CHCHD10: variants seen among roughly 807,000 people sequenced by gnomAD.
The protein encoded by CHCHD10 is coiled-coil-helix-coiled-coil-helix domain-containing protein 10, mitochondrial.
A neutral mutation model predicts 14.8 loss-of-function variants in CHCHD10; 10 were observed. The observed-to-expected ratio is 0.67, with a 90% CI of 0.42 to 1.14. The LOEUF (loss-of-function observed/expected upper bound fraction) is 1.14, where lower values mean the gene tolerates loss of function less well. CHCHD10 is among the 50% of genes most tolerant of loss of function. The pLI is 0.00. For synonymous variants in CHCHD10, 90 were observed against 85.2 expected (o/e 1.06, Z -0.31); for missense variants, 203 against 196.9 (o/e 1.03, Z -0.19).
At chr22:23,766,378 G>A in intron 2 of CHCHD10, 103 bp from the exon 3 acceptor site, 1 of 1,054,522 alleles carries the variant, frequency 9.5e-7, no homozygotes, top group Non-Finnish European at 1.4e-6. Context: ...CCCCAGCCTG[G>A]GTGTCCCAAG....
In CHCHD10 at chr22:23,767,903, T is replaced by C; in HGVS notation, c.-29A>G. 6.8e-7 allele frequency: 1 copy of C among 1,481,406 alleles called. No individual in the cohort carries two copies. Among genetic ancestry groups the C allele is most frequent in the Non-Finnish European group, 9.0e-7 (1 of 1,113,758 alleles). 91.8% of individuals were successfully genotyped at this position (1,481,406 alleles called of 1,614,324 possible). ...GGCGGCGGTGGGACCCGGGCGACCT[T>C]AGAGACGGCGGCAGCGGTGCTGTCG... On this transcript the variant is annotated 5_prime_UTR_variant, in exon 1 of 4. Transcript: ENST00000484558.
At chr22:23,766,438 A>C in intron 2 of CHCHD10, 163 bp from the exon 3 acceptor site, 1 of 572,110 alleles carries the variant, frequency 1.7e-6, no homozygotes, top group Non-Finnish European at 3.0e-6. Flanking sequence ...TACAGACAGC[A>C]TGTTTCTGCT....
At position 23,767,568 on chromosome 22, in the gene CHCHD10, G is replaced by T. The variant is rs950020917; in HGVS notation, c.67C>A (p.Pro23Thr). Residue 23 changes from proline to threonine, a missense_variant, in exon 2 of 4, where the codon CCG becomes ACG. Coordinates refer to ENST00000484558, the MANE Select transcript of CHCHD10 (RefSeq NM_213720.3). ...GCCGAGGGCGGTGGGTGCGCGGGCGGGTGGGCAGAGGGCGCGGCTGGGCGG... is the reference window on the plus strand; with the variant it reads ...GCCGAGGGCGGTGGGTGCGCGGGCGTGTGGGCAGAGGGCGCGGCTGGGCGG... Reference protein sequence around the residue: ...ASRPAAPSAHPPAHPPPSAAA... With the variant: ...ASRPAAPSAHTPAHPPPSAAA... 3.0e-6 allele frequency: 4 copies of T among 1,346,396 alleles called. No individual in the cohort carries two copies. Among genetic ancestry groups the T allele is most frequent in the Admixed American group, 7.6e-5 (2 of 26,256 alleles). The allele number at this position is 1,346,396 out of a possible 1,614,324, so 83.4% of individuals were successfully genotyped here.
intron 2 of CHCHD10, 96 bp from the exon 3 acceptor site, chr22:23,766,371 C>G: frequency 3.5e-6 from 4 of 1,157,074 alleles, no homozygotes; most frequent in Non-Finnish European, 4.8e-6. Flanking sequence ...CCCACATCCC[C>G]AGCCTGGGTG....
At chr22:23,766,101 C>T (rs140182) in intron 3 of CHCHD10, 27 bp downstream of exon 3, 22 of 1,613,072 alleles carry the variant, frequency 1.4e-5, no homozygotes, top group Middle Eastern at 1.6e-4. Flanking sequence ...TCCCCCTCCC[C>T]GCCTGAGTCG....
chr22:23,766,219 G>T lies in CHCHD10; in HGVS notation c.318C>A (p.Ile106=). Residue 106 remains isoleucine (I), a synonymous_variant, in exon 3 of 4, where the codon ATC becomes ATA. Coordinates refer to ENST00000484558, the MANE Select transcript of CHCHD10 (RefSeq NM_213720.3). ...PLQMGPCAYE[I]RQFLDCSTTQ... ...TGGTGGAACAGTCCAGGAACTGCCT[G>T]ATCTCGTAGGCGCAGGGCCCCATCT... is the stretch of plus-strand genomic sequence containing the variant. The T allele has an allele frequency of 6.6e-7, 1 of 1,517,746 alleles. No homozygotes were observed. The highest frequency in any genetic ancestry group is 2.5e-5 in the East Asian group (1 of 39,358). 94.0% of individuals were successfully genotyped at this position (1,517,746 alleles called of 1,614,324 possible).
In CHCHD10 at chr22:23,767,465, A is replaced by T; in HGVS notation, c.170T>A (p.Val57Glu). 5.6e-6 allele frequency: 9 copies of T among 1,595,912 alleles called. No homozygotes were observed. The highest frequency in any genetic ancestry group is 7.7e-6 in the Non-Finnish European group (9 of 1,173,054). Reference sequence around the variant, plus strand: ...CATGACGTGTCCCACAGCCGAGCCCACGGCTACCCCTGCGGCCGTGGTCGC... The same window carrying T: ...CATGACGTGTCCCACAGCCGAGCCCTCGGCTACCCCTGCGGCCGTGGTCGC... The part of the protein sequence containing the change: ...QMATTAAGVA[V>E]GSAVGHVMGS... The change falls in exon 2 of 4, where the codon GTG becomes GAG. Residue 57 changes from valine to glutamate, a missense_variant. Coordinates refer to ENST00000484558, the MANE Select transcript of CHCHD10 (RefSeq NM_213720.3).
Position 23,765,982 on chromosome 22 carries a change from G to A in CHCHD10, c.*25C>T. 4 of 1,613,102 alleles carry A rather than the reference G, an allele frequency of 2.5e-6. No individual in the cohort carries two copies. Among genetic ancestry groups the A allele is most frequent in the South Asian group, 1.1e-5 (1 of 91,002 alleles). ...GAGGGGTAGAGGTGGGTGCAGGACT[G>A]GCCCCCGAGTCTGCACCGACCTCTT... is the stretch of plus-strand genomic sequence containing the variant. On this transcript the variant is annotated 3_prime_UTR_variant, in exon 4 of 4. Coordinates refer to ENST00000484558, the MANE Select transcript of CHCHD10 (RefSeq NM_213720.3).
In CHCHD10 at chr22:23,767,585, G is replaced by A; in HGVS notation, c.50C>T (p.Ala17Val). The change falls in exon 2 of 4, where the codon GCC (alanine) becomes GTC (valine). Residue 17 changes from alanine to valine, a missense_variant. Ala to Val is a moderately conservative substitution (Grantham distance 64). Transcript: ENST00000484558. Reference protein sequence around the residue: ...SAASRPASRPAAPSAHPPAHP... With the variant: ...SAASRPASRPVAPSAHPPAHP... ...CGCGGGCGGGTGGGCAGAGGGCGCG[G>A]CTGGGCGGCTGCGGGGGTGGGAGGA... 1.6e-6 allele frequency: 2 copies of A among 1,260,352 alleles called. No individual in the cohort carries two copies. Among genetic ancestry groups the A allele is most frequent in the Non-Finnish European group, 2.1e-6 (2 of 972,308 alleles). 78.1% of individuals were successfully genotyped at this position (1,260,352 alleles called of 1,614,324 possible). A position where few individuals can be genotyped will look rare whatever the true frequency, so the allele number is the denominator to read the frequency against.
At position 23,767,554 on chromosome 22, in the gene CHCHD10, T is replaced by C. The variant is rs1926945121; in HGVS notation, c.81A>G (p.Pro27=). 1 of 1,072,116 alleles carries C rather than the reference T, an allele frequency of 9.3e-7. No individual in the cohort carries two copies. The highest frequency in any genetic ancestry group is 1.8e-5 in the African/African-American group (1 of 55,150). 66.4% of individuals were successfully genotyped at this position (1,072,116 alleles called of 1,614,324 possible). The change falls in exon 2 of 4, where the codon CCA becomes CCG. Residue 27 remains proline, a synonymous_variant. Coordinates refer to ENST00000484558, the MANE Select transcript of CHCHD10 (RefSeq NM_213720.3). ...GGGCTGGGGCGGCTGCCGAGGGCGG[T>C]GGGTGCGCGGGCGGGTGGGCAGAGG... ...AAPSAHPPAH[P]PPSAAAPAPA... is the part of the protein sequence containing the mutation.
At position 23,767,931 on chromosome 22, in the gene CHCHD10, G is replaced by T; in HGVS notation, c.-57C>A. ...AGACGGCGGCAGCGGTGCTGTCGCG[G>T]GGACAAATGCCGCAGCGCTTGTCAC... On this transcript the variant is annotated 5_prime_UTR_variant, in exon 1 of 4. Coordinates refer to ENST00000484558, the MANE Select transcript of CHCHD10 (RefSeq NM_213720.3). 2 of 1,376,276 alleles carry T rather than the reference G, an allele frequency of 1.5e-6. No homozygotes were observed. The highest frequency in any genetic ancestry group is 1.9e-6 in the Non-Finnish European group (2 of 1,042,706). The allele number at this position is 1,376,276 out of a possible 1,614,324, so 85.3% of individuals were successfully genotyped here. A position where few individuals can be genotyped will look rare whatever the true frequency, so the allele number is the denominator to read the frequency against.
At chr22:23,767,704 G>T in intron 1 of CHCHD10, 111 bp from the exon 2 acceptor site, 1 of 909,650 alleles carries the variant, frequency 1.1e-6, no homozygotes, top group Non-Finnish European at 1.6e-6. Context: ...TCCACACGTG[G>T]GTGCTGCACC....
chr22:23,766,451 CTTTT>C (rs131440), intron 2 of CHCHD10, 176 bp from the exon 3 acceptor site: 4,753 of 406,902 alleles, frequency 0.012, 3 homozygotes, highest in East Asian at 0.023. Context: ...TTTCTGCTGC[CTTTT>C]TTTTTTTTTT....
intron 1 of CHCHD10, 88 bp downstream of exon 1, chr22:23,767,746 A>G: frequency 8.4e-7 from 1 of 1,185,214 alleles, no homozygotes; most frequent in Non-Finnish European, 1.2e-6. Context: ...ATGGCGCAGC[A>G]GCAGCCAAGG....
chr22:23,765,869 G>A lies in CHCHD10; in HGVS notation c.*138C>T. The A allele has an allele frequency of 6.5e-7, 1 of 1,546,986 alleles. No homozygotes were observed. On this transcript the variant is annotated 3_prime_UTR_variant, in exon 4 of 4. Coordinates refer to ENST00000484558, the MANE Select transcript of CHCHD10 (RefSeq NM_213720.3). Reference sequence around the variant, plus strand: ...AATAAACTTTTAATTGCACATTTGTGTCTTGGGTTATCTGTGGGGTGAGAA... The same window carrying A: ...AATAAACTTTTAATTGCACATTTGTATCTTGGGTTATCTGTGGGGTGAGAA...
rs754940184 is a variant in CHCHD10, at chr22:23,767,357, T to C, written c.261+17A>G. 2.5e-6 allele frequency: 4 copies of C among 1,604,000 alleles called. No homozygotes were observed. The highest frequency in any genetic ancestry group is 3.4e-6 in the Non-Finnish European group (4 of 1,175,024). ...CGAGATAATCCTGCCTCAGTTTCTCTTGGACTCGCTGCTCACCTGCTGGAC... is the reference window on the plus strand; with the variant it reads ...CGAGATAATCCTGCCTCAGTTTCTCCTGGACTCGCTGCTCACCTGCTGGAC... On this transcript the variant is annotated intron_variant, in intron 2 of 3. Transcript: ENST00000484558.
At chr22:23,766,102 G>C (rs754359801) in intron 3 of CHCHD10, 26 bp downstream of exon 3, 1 of 1,613,214 alleles carries the variant, frequency 6.2e-7, no homozygotes. Context: ...CCCCCTCCCC[G>C]CCTGAGTCGG....
rs780959799 is a variant in CHCHD10, at chr22:23,766,183, G to T, written c.354C>A (p.Asp118Glu). ...QFLDCSTTQSDLSLCEGFSEA... is the reference protein window; with the variant it reads ...QFLDCSTTQSELSLCEGFSEA... ...CGCTGAAGCCCTCACACAGGGACAG[G>T]TCACTCTGAGTGGTGGAACAGTCCA... The change falls in exon 3 of 4, where the codon GAC (aspartate) becomes GAA (glutamate). Residue 118 changes from aspartate to glutamate, a missense_variant. Asp to Glu is a conservative substitution (Grantham distance 45, BLOSUM62 2). Transcript: ENST00000484558. 2.5e-6 allele frequency: 4 copies of T among 1,611,030 alleles called. No homozygotes were observed. Among genetic ancestry groups the T allele is most frequent in the Non-Finnish European group, 3.4e-6 (4 of 1,178,488 alleles).
In CHCHD10 at chr22:23,767,592, G is replaced by A. The variant is rs730880032; in HGVS notation, c.43C>T (p.Arg15Cys). The A allele has an allele frequency of 2.5e-6, 3 of 1,223,308 alleles. No individual in the cohort carries two copies. The highest frequency in any genetic ancestry group is 3.2e-6 in the Non-Finnish European group (3 of 942,190). The allele number at this position is 1,223,308 out of a possible 1,614,324, so 75.8% of individuals were successfully genotyped here. Residue 15 changes from arginine to cysteine, a missense_variant and splice_region_variant, in exon 2 of 4, where the codon CGC becomes TGC. Physicochemically the swap from Arg to Cys is radical, Grantham distance 180. Transcript: ENST00000484558. ...GGGTGGGCAGAGGGCGCGGCTGGGC[G>A]GCTGCGGGGGTGGGAGGAAGCAGGG... ...SRSAASRPASRPAAPSAHPPA... is the reference protein window; with the variant it reads ...SRSAASRPASCPAAPSAHPPA...
Sources: allele counts gnomAD v4.1 joint callset, GRCh38; gene constraint gnomAD v4.1.1; transcripts MANE v1.5; gene names NCBI Gene and HGNC (gene_info 2026-07-23, HGNC 2026-07-21).